The following IFT46 variants were observed in gnomAD, a reference collection of about 807,000 sequenced individuals.
The protein encoded by IFT46 is intraflagellar transport protein 46 homolog.
A neutral mutation model predicts 39.6 loss-of-function variants in IFT46; 19 were observed. That is an observed-to-expected ratio of 0.48 (90% CI 0.33 to 0.70). IFT46 has a LOEUF of 0.70. Ranked by LOEUF, IFT46 falls within the 30% of genes least tolerant of loss-of-function variation. IFT46 has a pLI of 0.01. For missense variants in IFT46, 334 were observed against 364.8 expected, an observed-to-expected ratio of 0.92 and a Z score of 0.69; for synonymous variants, 117 against 134.8, an observed-to-expected ratio of 0.87 and a Z score of 0.91.
At chr11:118,546,757 C>A (rs149025919) in intron 9 of IFT46, 1 of 152,726 alleles carries the variant, frequency 6.5e-6, no homozygotes, top group African/African-American at 2.4e-5. Flanking sequence ...GAAACTGATA[C>A]CAAGTTATGG....
Position 118,556,940 on chromosome 11 carries a change from C to CATCAGA in IFT46, c.145_150dup (p.Ser49_Asp50dup), listed in dbSNP as rs781914508. 4 of 1,609,624 alleles carry CATCAGA rather than the reference C, an allele frequency of 2.5e-6. No individual in the cohort carries two copies. Among genetic ancestry groups the CATCAGA allele is most frequent in the Non-Finnish European group, 2.5e-6 (3 of 1,177,614 alleles). ...GGGGCTCCATGCTCTTCATCATCATCATCAGAATCAGAATCAGTTTCAGAT... is the reference window on the plus strand; with the variant it reads ...GGGGCTCCATGCTCTTCATCATCATCATCAGAATCAGAATCAGAATCAGTTTCAGAT... On this transcript the variant is annotated inframe_insertion, in exon 4 of 12. Coordinates refer to ENST00000264021, the MANE Select transcript of IFT46 (RefSeq NM_001168618.2).
At chr11:118,549,311 G>A (rs1027429078) in intron 9 of IFT46, among the ~76,000 whole-genome samples, 1 of 151,920 alleles carries the variant, frequency 6.6e-6, no homozygotes, top group African/African-American at 2.4e-5. Context: ...AAAGTGCTGG[G>A]ATTTACAGGT....
Position 118,559,807 on chromosome 11 carries a change from T to G in IFT46, c.23A>C (p.Glu8Ala). 6.2e-7 allele frequency: 1 copy of G among 1,613,490 alleles called. No homozygotes were observed. Among genetic ancestry groups the G allele is most frequent in the Non-Finnish European group, 8.5e-7 (1 of 1,179,422 alleles). The stretch of plus-strand genomic sequence containing the variant: ...TACCTTGTTATTTTCCTCTTCACAC[T>G]CATCACTGCTGTTATCAGCCATAGC... MADNSSD[E>A]CEEENNKEKK... The change falls in exon 3 of 12, where the codon GAG (glutamate) becomes GCG (alanine). Residue 8 changes from glutamate (E) to alanine (A), a missense_variant. Transcript: ENST00000264021.
chr11:118,573,687 A>T (rs1938411820), upstream of IFT46: 3 of 702,688 alleles, frequency 4.3e-6, no homozygotes, highest in Non-Finnish European at 5.2e-6. Context: ...TGGCAATCCT[A>T]ATAAGTTCTA....
At chr11:118,548,043 GC>G (rs1555067634) in intron 9 of IFT46, among the ~76,000 whole-genome samples, 1 of 143,638 alleles carries the variant, frequency 7.0e-6, no homozygotes, top group East Asian at 2.0e-4. Flanking sequence ...ACCACGCCCA[GC>G]CTTTTTTTTT....
chr11:118,572,449 G>A, intron 1 of IFT46: 1 of 1,325,244 alleles, frequency 7.5e-7, no homozygotes, highest in Non-Finnish European at 1.0e-6. Flanking sequence ...CCTGTCAAGG[G>A]GGCAGCAGGT....
chr11:118,570,126 T>C (rs1191885585), upstream of IFT46, among the ~76,000 whole-genome samples: 7 of 147,248 alleles, frequency 4.8e-5, no homozygotes, highest in Non-Finnish European at 6.0e-5. Flanking sequence ...CTCGGCTCAC[T>C]GCAACCCAAC....
rs2135493761 is a variant in IFT46, at chr11:118,555,437, C to G, written c.186-115G>C. On this transcript the variant is annotated intron_variant, in intron 4 of 11. Coordinates refer to ENST00000264021, the MANE Select transcript of IFT46 (RefSeq NM_001168618.2). ...ACATGATCCTGAAGCTAGCTTCTGC[C>G]TCTCCAATATCTGCCTTTCCTGGTG... The G allele has an allele frequency of 6.8e-6, 5 of 736,984 alleles. 1 individual carries two copies. In the South Asian group the frequency reaches 8.6e-5, roughly 13 times the overall value. 45.7% of individuals were successfully genotyped at this position (736,984 alleles called of 1,614,324 possible).
At chr11:118,554,425 T>C in intron 7 of IFT46, 34 bp downstream of exon 7, 1 of 1,558,990 alleles carries the variant, frequency 6.4e-7, no homozygotes. Context: ...CTTGGCCCTC[T>C]CCAGCTGGGG....
At chr11:118,572,717 G>C in exon 1 of IFT46, 1 of 716,124 alleles carries the variant, frequency 1.4e-6, no homozygotes. Flanking sequence ...CGGTCTCCTG[G>C]AGATCCGATG....
chr11:118,575,890 A>C (rs566646131), upstream of IFT46, among the ~76,000 whole-genome samples: 25 of 152,214 alleles, frequency 1.6e-4, no homozygotes, highest in Admixed American at 1.0e-3. Context: ...GCCTAATGTT[A>C]CTATAAAATA....
At chr11:118,557,871 G>A (rs782180897) in intron 3 of IFT46, 1 of 1,604,366 alleles carries the variant, frequency 6.2e-7, no homozygotes. Flanking sequence ...TGGAGCCTGT[G>A]GCATGCCCTC....
At chr11:118,562,737 A>T (rs1671606628) in intron 2 of IFT46, among the ~76,000 whole-genome samples, 1 of 152,208 alleles carries the variant, frequency 6.6e-6, no homozygotes, top group South Asian at 2.1e-4. Flanking sequence ...ATATGAAAAC[A>T]ACCCGAGTGT....
rs1555070499 is a variant in IFT46, at chr11:118,561,016, C to G, written c.-35-1152G>C. The G allele has an allele frequency of 4.0e-6, 6 of 1,492,020 alleles. No homozygotes were observed. The Admixed American group carries it at 1.0e-4, about 25-fold the overall frequency. The allele number at this position is 1,492,020 out of a possible 1,614,324, so 92.4% of individuals were successfully genotyped here. ...GCCTGCTGCTGGCCCGCAGGCTTCC[C>G]AATAGGTTTGGCATGGACAAGATCT... On this transcript the variant is annotated intron_variant, in intron 2 of 11. Coordinates refer to ENST00000264021, the MANE Select transcript of IFT46 (RefSeq NM_001168618.2).
chr11:118,575,111 T>G (rs1386729943), upstream of IFT46, among the ~76,000 whole-genome samples: 3 of 152,118 alleles, frequency 2.0e-5, no homozygotes, highest in Non-Finnish European at 4.4e-5. Flanking sequence ...CCTGAGTAGC[T>G]GGGACTGCAG....
At chr11:118,574,134 T>C (rs1342061599), upstream of IFT46, among the ~76,000 whole-genome samples, 5 of 152,194 alleles carry the variant, frequency 3.3e-5, no homozygotes, top group African/African-American at 1.2e-4. Context: ...TATTTTGACA[T>C]GTGTACGTAT....
At chr11:118,555,641 G>A (rs1400630989) in intron 4 of IFT46, 2 of 245,438 alleles carry the variant, frequency 8.1e-6, no homozygotes, top group Non-Finnish European at 8.0e-6. Flanking sequence ...AGATTTTAGG[G>A]CTGGGCGTGG....
intron 5 of IFT46, 21 bp downstream of exon 5, chr11:118,555,227 G>A: frequency 6.2e-7 from 1 of 1,601,738 alleles, no homozygotes; most frequent in Non-Finnish European, 8.6e-7. Context: ...GTGGGGTATG[G>A]TGGGAGGTCC....
chr11:118,572,460 C>A (rs1435455304), intron 1 of IFT46: 3 of 1,470,484 alleles, frequency 2.0e-6, no homozygotes, highest in South Asian at 1.2e-5. Flanking sequence ...GGCAGCAGGT[C>A]CAGAGCTGCT....
Sources: gnomAD v4.1 joint callset for allele counts (sites outside exome capture counted in the v4.1 genomes callset) on GRCh38, gnomAD v4.1.1 for gene constraint, MANE v1.5 for transcripts, NCBI Gene and HGNC (gene_info 2026-07-23, HGNC 2026-07-21) for gene names.